The following RBM6 variants were observed in gnomAD, a reference collection of about 807,000 sequenced individuals.
The protein encoded by RBM6 is RNA binding motif protein 6, also known as RNA-binding protein 6.
Under a neutral mutation model 140.4 loss-of-function variants are expected in RBM6, and 23 were observed. The observed-to-expected ratio is 0.16, with a 90% confidence interval of 0.12 to 0.23. The LOEUF (loss-of-function observed/expected upper bound fraction) is 0.23. RBM6 is among the 10% of genes least tolerant of loss of function. RBM6 has a pLI of 1.00. For missense variants in RBM6, 1,139 were observed against 1,386.7 expected (o/e 0.82, Z 2.84); for synonymous variants, 439 against 475.6 (o/e 0.92, Z 1.00).
chr3:49,967,656 T>A lies in RBM6; in HGVS notation c.231T>A (p.Ala77=), dbSNP rs1475102827. Reference sequence around the variant, plus strand: ...AGGAGCATTCTTTCAGCTATGGAGCTAGAGACGGACCGCATGGTGACTATC... The same window carrying A: ...AGGAGCATTCTTTCAGCTATGGAGCAAGAGACGGACCGCATGGTGACTATC... ...NVEEHSFSYG[A]RDGPHGDYRG... Residue 77 remains alanine, a synonymous_variant, in exon 3 of 21, where the codon GCT becomes GCA. Coordinates refer to ENST00000266022, the MANE Select transcript of RBM6 (RefSeq NM_005777.3). This position sits in a 1 kb window ranked among gnomAD's most constrained non-coding sequence, Gnocchi z 4.0. The A allele has an allele frequency of 6.2e-7, 1 of 1,614,082 alleles. No homozygotes were observed.
chr3:50,032,018 A>G (rs1312494252), intron 6 of RBM6, among the ~76,000 whole-genome samples: 4 of 152,186 alleles, frequency 2.6e-5, no homozygotes, highest in Non-Finnish European at 5.9e-5. Flanking sequence ...GAGCGTTTCA[A>G]GCATTACTTC....
chr3:50,012,342 C>A (rs1010786276), intron 6 of RBM6, among the ~76,000 whole-genome samples: 3 of 151,940 alleles, frequency 2.0e-5, no homozygotes, highest in Non-Finnish European at 2.9e-5. Flanking sequence ...ACCACCATGC[C>A]CAGTCCATTC....
chr3:50,032,306 C>A (rs2088216140), intron 6 of RBM6, among the ~76,000 whole-genome samples: 2 of 151,428 alleles, frequency 1.3e-5, no homozygotes, highest in South Asian at 2.1e-4. Flanking sequence ...CATGGTGAAA[C>A]CCCATCTCTA....
At chr3:50,061,758 G>A in intron 14 of RBM6, 2 of 1,330,326 alleles carry the variant, frequency 1.5e-6, no homozygotes, top group South Asian at 3.2e-5. Context: ...GGTAAGAACA[G>A]TGTTGCTCTT....
rs547099148 is a variant in RBM6 at position 49,945,515 on chromosome 3, G to C, written c.-67+5290G>C. 2.6e-5 allele frequency among the ~76,000 whole-genome samples: 4 copies of C among 152,126 alleles called. No homozygotes were observed. The East Asian group carries it at 7.7e-4, about 29-fold the overall frequency. On this transcript the variant is annotated intron_variant, in intron 1 of 20. Coordinates refer to ENST00000266022, the MANE Select transcript of RBM6 (RefSeq NM_005777.3). ...GAATTGTGTCCCCCTGAAAATTCAC[G>C]TGTTGAAGCCCTAAGCCCCAGTGTG...
intron 6 of RBM6, among the ~76,000 whole-genome samples, chr3:50,002,887 C>T (rs147828306): frequency 4.6e-5 from 7 of 151,952 alleles, no homozygotes; most frequent in East Asian, 1.9e-4. Flanking sequence ...GAGGCTGAGG[C>T]GAGCGGATCA....
intron 8 of RBM6, among the ~76,000 whole-genome samples, chr3:50,057,080 T>C (rs1217015244): frequency 6.6e-6 from 1 of 152,238 alleles, no homozygotes; most frequent in Admixed American, 6.5e-5. Flanking sequence ...TGTGTTGTTA[T>C]CATTGATTAT....
In RBM6 at chr3:49,993,072, C is replaced by T. The variant is rs529089803; in HGVS notation, c.1484-6368C>T. Among the ~76,000 whole-genome samples the T allele has an allele frequency of 1.1e-4, 17 of 152,264 alleles. No individual in the cohort carries two copies. In the South Asian group the frequency reaches 3.1e-3, roughly 28 times the overall value. ...TGTAGCATCTTGAGGTGATCTATGACCGTTTGTACTTGTCATGACTTCCAT... is the reference window on the plus strand; with the variant it reads ...TGTAGCATCTTGAGGTGATCTATGATCGTTTGTACTTGTCATGACTTCCAT... On this transcript the variant is annotated intron_variant, in intron 5 of 20. Coordinates refer to ENST00000266022, the MANE Select transcript of RBM6 (RefSeq NM_005777.3).
At chr3:49,983,427 G>A (rs1437069525) in intron 5 of RBM6, among the ~76,000 whole-genome samples, 4 of 151,728 alleles carry the variant, frequency 2.6e-5, no homozygotes, top group African/African-American at 9.7e-5. Context: ...ACCAGCATGG[G>A]CAATATAGTG....
At chr3:49,955,271 C>T (rs1353332911) in intron 1 of RBM6, among the ~76,000 whole-genome samples, 1 of 138,280 alleles carries the variant, frequency 7.2e-6, no homozygotes, top group Non-Finnish European at 1.5e-5. Context: ...GATCAAGCCT[C>T]GGGATCCTCC....
At chr3:50,036,483 G>A (rs903370004) in intron 6 of RBM6, among the ~76,000 whole-genome samples, 11 of 151,504 alleles carry the variant, frequency 7.3e-5, no homozygotes, top group South Asian at 4.2e-4. Context: ...TTTCTTCTTC[G>A]TGCAGGAATC....
chr3:49,989,793 G>A (rs1020800121), intron 5 of RBM6, among the ~76,000 whole-genome samples: 1 of 151,916 alleles, frequency 6.6e-6, no homozygotes, highest in Non-Finnish European at 1.5e-5. Flanking sequence ...ACCCAGGCTG[G>A]AGTGGTGCAG....
rs542734328 is a variant in RBM6, at chr3:50,021,740, C to CTTTTTTTTTTTTT, written c.1557+22245_1557+22257dup. 1.6e-3 allele frequency among the ~76,000 whole-genome samples: 70 copies of CTTTTTTTTTTTTT among 42,752 alleles called. 18 individuals are homozygous for CTTTTTTTTTTTTT. The highest frequency in any genetic ancestry group is 4.3e-3 in the South Asian group (3 of 696). 28.0% of individuals were successfully genotyped at this position (42,752 alleles called of 152,430 possible). On this transcript the variant is annotated intron_variant, in intron 6 of 20. Transcript: ENST00000266022. ...ATCTCCATACTGAGGAATTTAAGTG[C>CTTTTTTTTTTTTT]TTTTTTTTTTTTTTTTTTTTTTTTT...
chr3:49,955,679 C>T (rs143285241), intron 1 of RBM6, among the ~76,000 whole-genome samples: 1 of 152,092 alleles, frequency 6.6e-6, no homozygotes, highest in African/African-American at 2.4e-5. Context: ...CTCGTCTGTA[C>T]TAAAAATACA....
At chr3:50,013,673 G>T (rs1184365163) in intron 6 of RBM6, among the ~76,000 whole-genome samples, 12 of 152,084 alleles carry the variant, frequency 7.9e-5, no homozygotes, top group Non-Finnish European at 1.5e-5. Context: ...TCAAAAATAT[G>T]TTCTTCCATG....
At position 49,941,134 on chromosome 3, in the gene RBM6, A is replaced by C. The variant is rs542608314; in HGVS notation, c.-67+909A>C. ...GAAATGCCACCAGCGTGAATGATTT[A>C]AATATGTCACCATTACTGAATTTGT... On this transcript the variant is annotated intron_variant, in intron 1 of 20. Transcript: ENST00000266022. The C allele has an allele frequency of 2.0e-5, 3 of 152,212 alleles. No homozygotes were observed. The East Asian group carries it at 5.8e-4, about 29-fold the overall frequency. 9.4% of individuals were successfully genotyped at this position (152,212 alleles called of 1,614,324 possible).
intron 6 of RBM6, among the ~76,000 whole-genome samples, chr3:50,025,091 T>TG (rs943874082): frequency 6.6e-6 from 1 of 150,660 alleles, no homozygotes; most frequent in East Asian, 1.9e-4. Context: ...TTTTTTTTTT[T>TG]CCCCCATTTG....
At chr3:50,064,139 G>T (rs1190394999) in intron 15 of RBM6, among the ~76,000 whole-genome samples, 1 of 151,954 alleles carries the variant, frequency 6.6e-6, no homozygotes, top group East Asian at 2.0e-4. Context: ...CACCATGTTG[G>T]TCAAGCTGGT....
At chr3:49,993,703 T>A (rs1017385578) in intron 5 of RBM6, among the ~76,000 whole-genome samples, 17 of 146,838 alleles carry the variant, frequency 1.2e-4, no homozygotes, top group South Asian at 1.1e-3. Context: ...CATTTTTCTT[T>A]AAAAAAAAAA....
Sources: gnomAD v4.1 joint callset for allele counts (sites outside exome capture counted in the v4.1 genomes callset) on GRCh38, gnomAD v4.1.1 for gene constraint, Gnocchi (gnomAD v3.1) non-coding constraint, MANE v1.5 for transcripts, NCBI Gene and HGNC (gene_info 2026-07-23, HGNC 2026-07-21) for gene names.